Variants in ANO9 observed in about 807,000 individuals in gnomAD.
ANO9 encodes anoctamin 9, also known as anoctamin-9.
ANO9 carries 80 observed loss-of-function variants against 100.5 expected under a neutral mutation model. That is an observed-to-expected ratio of 0.80 (90% confidence interval 0.66 to 0.96). The LOEUF (loss-of-function observed/expected upper bound fraction) is 0.96. ANO9 is among the 40% of genes least tolerant of loss of function. The pLI is 0.00. For missense variants in ANO9, 1,064 were observed against 1,072.7 expected, an observed-to-expected ratio of 0.99 and a Z score of 0.11; for synonymous variants, 473 against 435.6, an observed-to-expected ratio of 1.09 and a Z score of -1.07.
intron 20 of ANO9, 172 bp downstream of exon 20, chr11:419,410 C>A: frequency 7.0e-7 from 1 of 1,426,910 alleles, no homozygotes; most frequent in South Asian, 1.5e-5. Flanking sequence ...CAGCCCAGGG[C>A]CTGCCGTCAG....
chr11:429,722 C>T (rs771570409), intron 10 of ANO9, 36 bp downstream of exon 10: 1 of 1,611,900 alleles, frequency 6.2e-7, no homozygotes, highest in Non-Finnish European at 8.5e-7. Context: ...GCTGGCACTT[C>T]CCCTGGCCCC....
rs796145833 is a variant in ANO9, at chr11:435,195, C to CATAGCATAGT, written c.7-1107_7-1098dup. Among the ~76,000 whole-genome samples, 744 of 151,816 alleles carry CATAGCATAGT rather than the reference C, an allele frequency of 4.9e-3. 4 individuals carry two copies. The highest frequency in any genetic ancestry group is 0.017 in the African/African-American group (708 of 41,364). On this transcript the variant is annotated intron_variant, in intron 1 of 22. Transcript: ENST00000332826. ...TTTGGTCTAGTATAGCATAGGATAG[C>CATAGCATAGT]ATAGCATAGTATAGCATAGGGTAGC...
chr11:428,438 A>AC (rs747617478), intron 13 of ANO9, 37 bp downstream of exon 13: 2 of 1,611,972 alleles, frequency 1.2e-6, no homozygotes, highest in South Asian at 1.1e-5. Flanking sequence ...GCTCCGGTGG[A>AC]CCCCCCAGCT....
At chr11:420,697 C>T (rs544889649) in intron 18 of ANO9, 21 bp downstream of exon 18, 1 of 1,603,564 alleles carries the variant, frequency 6.2e-7, no homozygotes, top group East Asian at 2.2e-5. Flanking sequence ...CGCGAACCCC[C>T]GCCCCGCAGC....
intron 19 of ANO9, chr11:420,101 C>T (rs1590409981): frequency 3.0e-6 from 4 of 1,320,552 alleles, no homozygotes; most frequent in Non-Finnish European, 2.9e-6. Context: ...ATCCAGCGCC[C>T]CAGCTCCCGT....
chr11:434,697 C>A (rs1212384760), intron 1 of ANO9, among the ~76,000 whole-genome samples: 1 of 152,206 alleles, frequency 6.6e-6, no homozygotes. Context: ...CAGGGAGGAT[C>A]CTGCAGCAGG....
rs746933244 is a variant in ANO9 at position 420,959 on chromosome 11, G to A, written c.1476C>T (p.Val492=). The change falls in exon 17 of 23, where the codon GTC becomes GTT. Residue 492 remains valine (V), a synonymous_variant. Transcript: ENST00000332826. Reference sequence around the variant, plus strand: ...TCGGCACTCACGGGACCAGGTACTCGACGCAGTTGCTGAGCGTCTGCTTCA... The same window carrying A: ...TCGGCACTCACGGGACCAGGTACTCAACGCAGTTGCTGAGCGTCTGCTTCA... ...MGLKQTLSNC[V]EYLVPWVTHK... 8 of 1,605,258 alleles carry A rather than the reference G, an allele frequency of 5.0e-6. No homozygotes were observed. Among genetic ancestry groups the A allele is most frequent in the South Asian group, 3.3e-5 (3 of 90,856 alleles).
rs761622841 is a variant in ANO9, at chr11:420,531, A to C, written c.1718T>G (p.Ile573Ser). The change falls in exon 19 of 23, where the codon ATC becomes AGC. Residue 573 changes from isoleucine (I) to serine (S), a missense_variant. Ile to Ser is a moderately radical substitution (Grantham distance 142). Coordinates refer to ENST00000332826, the MANE Select transcript of ANO9 (RefSeq NM_001012302.3). ...LLALFSNLVE[I>S]RLDAIKMVWL... ...GACCATCTTGATGGCGTCCAGGCGGATCTCCACGAGGTTGCTGAAGAGCGC... is the reference window on the plus strand; with the variant it reads ...GACCATCTTGATGGCGTCCAGGCGGCTCTCCACGAGGTTGCTGAAGAGCGC... 7 of 1,606,178 alleles carry C rather than the reference A, an allele frequency of 4.4e-6. No homozygotes were observed. The highest frequency in any genetic ancestry group is 5.1e-6 in the Non-Finnish European group (6 of 1,179,610).
chr11:437,327 G>T (rs947927578), intron 1 of ANO9, among the ~76,000 whole-genome samples: 3 of 152,140 alleles, frequency 2.0e-5, no homozygotes, highest in African/African-American at 7.2e-5. Flanking sequence ...TAAGGCATCC[G>T]ACGCCCCGGT....
Position 420,493 on chromosome 11 carries a change from G to A in ANO9, c.1756C>T (p.Arg586Cys), listed in dbSNP as rs775520567. 6.2e-7 allele frequency: 1 copy of A among 1,603,880 alleles called. No homozygotes were observed. ...DAIKMVWLQR[R>C]LVPRKAKDIG... Reference sequence around the variant, plus strand: ...TCCTTGGCCTTGCGCGGCACCAGGCGCCGCTGCAACCAGACCATCTTGATG... The same window carrying A: ...TCCTTGGCCTTGCGCGGCACCAGGCACCGCTGCAACCAGACCATCTTGATG... The change falls in exon 19 of 23, where the codon CGC (arginine) becomes TGC (cysteine). Residue 586 changes from arginine to cysteine, a missense_variant. Physicochemically the swap from Arg to Cys is radical, Grantham distance 180. Transcript: ENST00000332826.
At position 418,296 on chromosome 11, in the gene ANO9, A is replaced by T; in HGVS notation, c.*75T>A. 1 of 1,394,192 alleles carries T rather than the reference A, an allele frequency of 7.2e-7. No individual in the cohort carries two copies. Among genetic ancestry groups the T allele is most frequent in the South Asian group, 1.4e-5 (1 of 69,694 alleles). 86.4% of individuals were successfully genotyped at this position (1,394,192 alleles called of 1,614,324 possible). On this transcript the variant is annotated 3_prime_UTR_variant, in exon 23 of 23. Transcript: ENST00000332826. ...CTTCTCACAGCACCCCTCAACACGC[A>T]CAGCGGTGGGCTTGTGGGAGGTGCT...
rs376556283 is a variant in ANO9, at chr11:438,384, G to GC, written c.6+3536dup. ...CAACACACACAGCCAGACAGGTGTA[G>GC]CCCCCCCCCGACTCACACAGCCAGA... On this transcript the variant is annotated intron_variant, in intron 1 of 22. Coordinates refer to ENST00000332826, the MANE Select transcript of ANO9 (RefSeq NM_001012302.3). Among the ~76,000 whole-genome samples the GC allele has an allele frequency of 5.7e-3, 544 of 95,402 alleles. 2 individuals are homozygous for GC. Among genetic ancestry groups the GC allele is most frequent in the African/African-American group, 0.02 (469 of 23,044 alleles). 62.6% of individuals were successfully genotyped at this position (95,402 alleles called of 152,430 possible).
Position 428,907 on chromosome 11 carries a change from G to A in ANO9, c.916-81C>T, listed in dbSNP as rs1293812201. 70 of 1,351,546 alleles carry A rather than the reference G, an allele frequency of 5.2e-5. 4 individuals carry two copies. Among genetic ancestry groups the A allele is most frequent in the South Asian group, 5.2e-4 (42 of 81,236 alleles). The allele number at this position is 1,351,546 out of a possible 1,614,324, so 83.7% of individuals were successfully genotyped here. A position where few individuals can be genotyped will look rare whatever the true frequency, so the allele number is the denominator to read the frequency against. ...AGACAGACACAGAGACACACCTCAC[G>A]GGTGGACAGACACGGGACACTCACC... On this transcript the variant is annotated intron_variant, in intron 11 of 22. Transcript: ENST00000332826.
At position 420,553 on chromosome 11, in the gene ANO9, G is replaced by T. The variant is rs558198707; in HGVS notation, c.1696C>A (p.Leu566Ile). 16 of 1,605,872 alleles carry T rather than the reference G, an allele frequency of 1.0e-5. No homozygotes were observed. Among genetic ancestry groups the T allele is most frequent in the Middle Eastern group, 1.7e-4 (1 of 6,058 alleles). Residue 566 changes from leucine to isoleucine, a missense_variant, in exon 19 of 23, where the codon CTC (leucine) becomes ATC (isoleucine). Coordinates refer to ENST00000332826, the MANE Select transcript of ANO9 (RefSeq NM_001012302.3). ...AAFPLAPLLALFSNLVEIRLD... is the reference protein window; with the variant it reads ...AAFPLAPLLAIFSNLVEIRLD... The stretch of plus-strand genomic sequence containing the variant: ...CGGATCTCCACGAGGTTGCTGAAGA[G>T]CGCGAGCAGCGGCGCCAGCGGGAAG...
intron 15 of ANO9, among the ~76,000 whole-genome samples, chr11:423,262 C>T (rs1244206403): frequency 3.3e-5 from 5 of 152,134 alleles, no homozygotes; most frequent in Admixed American, 6.5e-5. Context: ...TACAGCAAGG[C>T]ATAAAGCAAT....
intron 1 of ANO9, among the ~76,000 whole-genome samples, chr11:440,151 C>A (rs1845746570): frequency 1.3e-5 from 2 of 152,158 alleles, no homozygotes; most frequent in Admixed American, 1.3e-4. Context: ...GCACTCAGCA[C>A]CTCCAAGGAG....
intron 1 of ANO9, among the ~76,000 whole-genome samples, chr11:441,512 C>A (rs1237185107): frequency 6.6e-6 from 1 of 152,094 alleles, no homozygotes; most frequent in Admixed American, 6.5e-5. Flanking sequence ...ACAGCCCGCT[C>A]CCCCTTAGGG....
intron 15 of ANO9, 28 bp downstream of exon 15, chr11:428,060 G>T (rs779719871): frequency 2.0e-6 from 3 of 1,506,690 alleles, no homozygotes; most frequent in South Asian, 1.2e-5. Flanking sequence ...CGTGAGTTGG[G>T]TTGGAGGGAG....
In ANO9 at chr11:428,192, G is replaced by A; in HGVS notation, c.1230C>T (p.Pro410=). The part of the protein sequence containing the change: ...VALKLCDFEM[P]RTFSERESRF... ...TGCTCTCTCGCTCCGAGAAGGTCCT[G>A]GGCATCTCTGGAATGGGACCGGCCC... Residue 410 remains proline, a synonymous_variant, in exon 15 of 23, where the codon CCC becomes CCT. Coordinates refer to ENST00000332826, the MANE Select transcript of ANO9 (RefSeq NM_001012302.3). 1 of 1,612,170 alleles carries A rather than the reference G, an allele frequency of 6.2e-7. No individual in the cohort carries two copies. Among genetic ancestry groups the A allele is most frequent in the Non-Finnish European group, 8.5e-7 (1 of 1,179,702 alleles).
Sources: allele counts gnomAD v4.1 joint callset (sites outside exome capture counted in the v4.1 genomes callset), GRCh38; gene constraint gnomAD v4.1.1; transcripts MANE v1.5; gene names NCBI Gene and HGNC (gene_info 2026-07-23, HGNC 2026-07-21).